The following ATP6V1D variants were observed in gnomAD, a reference collection of about 807,000 sequenced individuals.
ATP6V1D encodes V-type proton ATPase subunit D.
Under a neutral mutation model 39.4 loss-of-function variants are expected in ATP6V1D, and 20 were observed. The observed-to-expected ratio is 0.51, with a 90% CI of 0.36 to 0.74. The LOEUF is 0.74. Among genes scored for constraint, ATP6V1D ranks in the 30% least tolerant of loss-of-function variants. The pLI is 0.00. For synonymous variants in ATP6V1D, 100 were observed against 100.5 expected (o/e 0.99, Z 0.03); for missense variants, 228 against 291.6 (o/e 0.78, Z 1.59).
chr14:67,343,495 T>G, intron 6 of ATP6V1D, 57 bp from the exon 7 acceptor site: 1 of 1,197,924 alleles, frequency 8.3e-7, no homozygotes, highest in South Asian at 1.2e-5. Context: ...CATTCCCTGA[T>G]CACTTGACTC....
Position 67,350,710 on chromosome 14 carries a change from C to G in ATP6V1D, c.160-20G>C. 1 of 1,606,014 alleles carries G rather than the reference C, an allele frequency of 6.2e-7. No homozygotes were observed. Among genetic ancestry groups the G allele is most frequent in the Non-Finnish European group, 8.5e-7 (1 of 1,173,752 alleles). ...TTTAGTCTGGAAAAGCATAAACCAA[C>G]AGCAGATTCAACCAAGCCTTTTACA... On this transcript the variant is annotated intron_variant, in intron 2 of 8. Coordinates refer to ENST00000216442, the MANE Select transcript of ATP6V1D (RefSeq NM_015994.4).
intron 1 of ATP6V1D, among the ~76,000 whole-genome samples, chr14:67,356,847 G>A (rs1215587943): frequency 6.6e-6 from 1 of 152,172 alleles, no homozygotes; most frequent in Non-Finnish European, 1.5e-5. Flanking sequence ...CTCAATGTGT[G>A]CATTTAACAT....
At chr14:67,341,555 G>T (rs1431829543) in intron 7 of ATP6V1D, among the ~76,000 whole-genome samples, 3 of 151,020 alleles carry the variant, frequency 2.0e-5, no homozygotes, top group African/African-American at 7.4e-5. Flanking sequence ...CCGTCCGGGA[G>T]GGAGGTGGGG....
At chr14:67,339,301 A>T (rs1449295570) in intron 8 of ATP6V1D, among the ~76,000 whole-genome samples, 1 of 152,092 alleles carries the variant, frequency 6.6e-6, no homozygotes, top group African/African-American at 2.4e-5. Context: ...CCAGCCTAGA[A>T]GCCTTTATTA....
At chr14:67,351,853 G>A (rs1055242291) in intron 2 of ATP6V1D, among the ~76,000 whole-genome samples, 3 of 143,778 alleles carry the variant, frequency 2.1e-5, no homozygotes, top group Non-Finnish European at 3.0e-5. Flanking sequence ...AAGAAAAGGC[G>A]TGGAAAAAAT....
chr14:67,350,809 G>A (rs2141106440), intron 2 of ATP6V1D, 119 bp from the exon 3 acceptor site: 1 of 949,044 alleles, frequency 1.1e-6, no homozygotes, highest in Non-Finnish European at 1.5e-6. Context: ...TGTAAATATT[G>A]GTTTGATAAC....
At chr14:67,355,610 T>A (rs2085680490) in intron 1 of ATP6V1D, among the ~76,000 whole-genome samples, 1 of 152,014 alleles carries the variant, frequency 6.6e-6, no homozygotes. Context: ...CTTAAGAGAC[T>A]AGAACAGCCA....
chr14:67,338,813 G>A, intron 8 of ATP6V1D, 51 bp from the exon 9 acceptor site: 1 of 1,509,014 alleles, frequency 6.6e-7, no homozygotes, highest in South Asian at 1.3e-5. Flanking sequence ...TCAATATTAA[G>A]TAGATTTGAT....
At chr14:67,351,911 C>CAAAAAAAAAAAAAAAAAAAA (rs758907410) in intron 2 of ATP6V1D, among the ~76,000 whole-genome samples, 4 of 128,100 alleles carry the variant, frequency 3.1e-5, no homozygotes, top group South Asian at 2.7e-4. Context: ...GAACCTCTAC[C>CAAAAAAAAAAAAAAAAAAAA]AAAAAAAAAA....
rs2085553824 is a variant in ATP6V1D at position 67,338,101 on chromosome 14, A to G, written c.*520T>C. ...TTTAAATCATTTTACTGTTTATACCACAGTCGCATTTAAATTGGCAGAATG... is the reference window on the plus strand; with the variant it reads ...TTTAAATCATTTTACTGTTTATACCGCAGTCGCATTTAAATTGGCAGAATG... On this transcript the variant is annotated 3_prime_UTR_variant, in exon 9 of 9. Coordinates refer to ENST00000216442, the MANE Select transcript of ATP6V1D (RefSeq NM_015994.4). 1 of 152,838 alleles carries G rather than the reference A, an allele frequency of 6.5e-6. No individual in the cohort carries two copies. Among genetic ancestry groups the G allele is most frequent in the East Asian group, 1.9e-4 (1 of 5,210 alleles). The allele number at this position is 152,838 out of a possible 1,614,324, so 9.5% of individuals were successfully genotyped here.
At chr14:67,352,166 C>T (rs887399633) in intron 2 of ATP6V1D, among the ~76,000 whole-genome samples, 35 of 151,906 alleles carry the variant, frequency 2.3e-4, no homozygotes, top group Admixed American at 1.9e-3. Flanking sequence ...ATAGAAAATG[C>T]TTTTGTTAAG....
At chr14:67,346,645 A>C (rs963277837) in intron 5 of ATP6V1D, among the ~76,000 whole-genome samples, 1 of 152,164 alleles carries the variant, frequency 6.6e-6, no homozygotes, top group Non-Finnish European at 1.5e-5. Context: ...AAAAGTTAAT[A>C]CTTTACTTTG....
chr14:67,352,619 G>C (rs142584288), intron 2 of ATP6V1D: 3,324 of 219,144 alleles, frequency 0.015, 32 homozygotes, highest in Non-Finnish European at 0.021. Flanking sequence ...TGGGGAAAGA[G>C]TATTTCAGGC....
intron 8 of ATP6V1D, among the ~76,000 whole-genome samples, chr14:67,339,686 G>A (rs192521846): frequency 1.3e-5 from 2 of 152,232 alleles, no homozygotes; most frequent in Admixed American, 6.5e-5. Flanking sequence ...ATGCCTCCAG[G>A]TGCTTTATAC....
intron 1 of ATP6V1D, among the ~76,000 whole-genome samples, chr14:67,358,024 A>C (rs1263805019): frequency 6.6e-6 from 1 of 151,560 alleles, no homozygotes; most frequent in Non-Finnish European, 1.5e-5. Context: ...GGGTCTATCA[A>C]TTAGGTGTTG....
At position 67,352,246 on chromosome 14, in the gene ATP6V1D, CTGTT is replaced by C. The variant is rs1460652009; in HGVS notation, c.159+673_159+676del. ...ACTTTCGGAGGCCAAGATAGAAAGA[CTGTT>C]TGAGCCCGGGAGTCAAAAAGACTAG... On this transcript the variant is annotated intron_variant, in intron 2 of 8. Coordinates refer to ENST00000216442, the MANE Select transcript of ATP6V1D (RefSeq NM_015994.4). Among the ~76,000 whole-genome samples, 3 of 152,094 alleles carry C rather than the reference CTGTT, an allele frequency of 2.0e-5. No homozygotes were observed. In the Middle Eastern group the frequency reaches 0.01, roughly 517 times the overall value.
chr14:67,343,399 T>C lies in ATP6V1D; in HGVS notation c.496A>G (p.Asn166Asp). The change falls in exon 7 of 9, where the codon AAC becomes GAC. Residue 166 changes from asparagine to aspartate, a missense_variant. By Grantham distance (23) the Asn-to-Asp change is conservative. This residue lies in a region of ATP6V1D where 114 missense variants were observed against 128.3 expected (regional missense o/e 0.89). Transcript: ENST00000216442. ...VTLDEAIKIT[N>D]RRVNAIEHVI... The stretch of plus-strand genomic sequence containing the variant: ...TGTTCAATGGCATTTACACGCCTGT[T>C]GGTTATCTTAATAGCTTCATCCAAA... 6.2e-7 allele frequency: 1 copy of C among 1,612,544 alleles called. No individual in the cohort carries two copies. The highest frequency in any genetic ancestry group is 2.2e-5 in the East Asian group (1 of 44,870).
At chr14:67,349,921 T>C (rs1421390640) in intron 3 of ATP6V1D, among the ~76,000 whole-genome samples, 1 of 152,214 alleles carries the variant, frequency 6.6e-6, no homozygotes, top group Non-Finnish European at 1.5e-5. Context: ...AGGCATCATG[T>C]CATTAGGAAA....
At position 67,347,413 on chromosome 14, in the gene ATP6V1D, A is replaced by G; in HGVS notation, c.348T>C (p.Thr116=). ...TACAAAAAGTTTCACACTTACTGTC[A>G]GTTCCTTCATGGTAATGTTCAAATA... The part of the protein sequence containing the change: ...LPVFEHYHEG[T]DSYELTGLAR... The change falls in exon 5 of 9, where the codon ACT becomes ACC. Residue 116 remains threonine, a synonymous_variant. Coordinates refer to ENST00000216442, the MANE Select transcript of ATP6V1D (RefSeq NM_015994.4). 6.2e-7 allele frequency: 1 copy of G among 1,605,166 alleles called. No homozygotes were observed. Among genetic ancestry groups the G allele is most frequent in the South Asian group, 1.1e-5 (1 of 90,678 alleles).
Sources: allele counts gnomAD v4.1 joint callset (sites outside exome capture counted in the v4.1 genomes callset), GRCh38; gene constraint gnomAD v4.1.1; regional missense constraint gnomAD v4.1.1; transcripts MANE v1.5; gene names NCBI Gene and HGNC (gene_info 2026-07-23, HGNC 2026-07-21).